The following TRANK1 variants were observed in gnomAD, a reference collection of about 807,000 sequenced individuals.
TRANK1 encodes the protein tetratricopeptide repeat and ankyrin repeat containing 1.
In TRANK1, 198 loss-of-function variants were observed where a neutral mutation model predicts 266.0. The ratio of observed to expected loss-of-function variants is 0.74; its 90% confidence interval spans 0.66 to 0.84. The LOEUF is 0.84. Among genes scored for constraint, TRANK1 ranks in the 40% least tolerant of loss-of-function variants. The pLI is 0.00. For missense variants in TRANK1, 3,326 were observed against 3,634.6 expected, an observed-to-expected ratio of 0.92 and a Z score of 2.18; for synonymous variants, 1,396 against 1,384.1, an observed-to-expected ratio of 1.01 and a Z score of -0.19.
In TRANK1 at chr3:36,908,552, CT is replaced by C. The variant is rs1459525234; in HGVS notation, c.24-99del. The C allele has an allele frequency of 2.4e-6, 3 of 1,231,282 alleles. No individual in the cohort carries two copies. In the Admixed American group the frequency reaches 1.3e-4, roughly 52 times the overall value. 76.3% of individuals were successfully genotyped at this position (1,231,282 alleles called of 1,614,324 possible). On this transcript the variant is annotated intron_variant, in intron 1 of 23. Coordinates refer to ENST00000645898, the MANE Select transcript of TRANK1 (RefSeq NM_001329998.2). ...GAAATCTGGAGAAGGAGTTCGCTCACTATGGCCCCACCCACCTTCAAAGGGC... is the reference window on the plus strand; with the variant it reads ...GAAATCTGGAGAAGGAGTTCGCTCACATGGCCCCACCCACCTTCAAAGGGC...
In TRANK1 at chr3:36,834,916, G is replaced by A; in HGVS notation, c.5518-9C>T. On this transcript the variant is annotated splice_polypyrimidine_tract_variant and intron_variant, in intron 20 of 23. Transcript: ENST00000645898. ...TAGGCAGCATCTCTTATCTAGGATG[G>A]AGTAAATTTTACTTTTATTTAGAGT... is the stretch of plus-strand genomic sequence containing the variant. 2 of 1,592,186 alleles carry A rather than the reference G, an allele frequency of 1.3e-6. No homozygotes were observed. The highest frequency in any genetic ancestry group is 1.7e-6 in the Non-Finnish European group (2 of 1,172,024).
rs374403472 is a variant in TRANK1 at position 36,929,653 on chromosome 3, G to A, written c.23+15134C>T. On this transcript the variant is annotated intron_variant, in intron 1 of 23. Coordinates refer to ENST00000645898, the MANE Select transcript of TRANK1 (RefSeq NM_001329998.2). ...CACCCCATGTGGCAGGCCAAGTAAT[G>A]AATTCCCCCAAAGACATCCAGATCC... is the stretch of plus-strand genomic sequence containing the variant. Among the ~76,000 whole-genome samples, 6 of 152,282 alleles carry A rather than the reference G, an allele frequency of 3.9e-5. No individual in the cohort carries two copies. In the East Asian group the frequency reaches 7.7e-4, roughly 20 times the overall value.
At chr3:36,842,288 G>A (rs2078854816) in intron 18 of TRANK1, among the ~76,000 whole-genome samples, 1 of 152,252 alleles carries the variant, frequency 6.6e-6, no homozygotes, top group Non-Finnish European at 1.5e-5. Flanking sequence ...TTAAAATGCA[G>A]TATGATGATA....
At position 36,833,355 on chromosome 3, in the gene TRANK1, C is replaced by G. The variant is rs1285437075; in HGVS notation, c.6228G>C (p.Glu2076Asp). The G allele has an allele frequency of 6.2e-7, 1 of 1,613,910 alleles. No individual in the cohort carries two copies. The highest frequency in any genetic ancestry group is 8.5e-7 in the Non-Finnish European group (1 of 1,179,816). Reference protein sequence around the residue: ...LYEAASQCEAEPEKILGLAPG... With the variant: ...LYEAASQCEADPEKILGLAPG... ...GAGCCAGGCCCAGAATCTTCTCAGG[C>G]TCGGCCTCACACTGGCTGGCTGCTT... Residue 2076 changes from glutamate to aspartate, a missense_variant, in exon 22 of 24, where the codon GAG becomes GAC. Physicochemically the swap from Glu to Asp is conservative, Grantham distance 45. Transcript: ENST00000645898.
chr3:36,867,897 C>T (rs148725856), intron 9 of TRANK1, among the ~76,000 whole-genome samples: 2 of 152,358 alleles, frequency 1.3e-5, no homozygotes, highest in Non-Finnish European at 2.9e-5. Context: ...GTGGAGTTTG[C>T]ACGTTCTTCC....
At position 36,905,263 on chromosome 3, in the gene TRANK1, C is replaced by A. The variant is rs1200314231; in HGVS notation, c.156-1988G>T. Among the ~76,000 whole-genome samples the A allele has an allele frequency of 2.7e-5, 4 of 150,466 alleles. No individual in the cohort carries two copies. In the South Asian group the frequency reaches 8.4e-4, roughly 32 times the overall value. On this transcript the variant is annotated intron_variant, in intron 2 of 23. Coordinates refer to ENST00000645898, the MANE Select transcript of TRANK1 (RefSeq NM_001329998.2). ...CCGAGATCGTGCCGTTGCACTCTAG[C>A]CTGGGAGACAGAGCAAGACTCTGTC...
chr3:36,945,644 T>C (rs1400661739), upstream of TRANK1, among the ~76,000 whole-genome samples: 1 of 151,790 alleles, frequency 6.6e-6, no homozygotes, highest in Admixed American at 6.6e-5. Context: ...ATCGACAGAG[T>C]AGTGGGTCGG....
intron 1 of TRANK1, among the ~76,000 whole-genome samples, chr3:36,935,084 C>A (rs1370343814): frequency 6.6e-6 from 1 of 152,162 alleles, no homozygotes; most frequent in Non-Finnish European, 1.5e-5. Flanking sequence ...ATCACCCAGG[C>A]CCCCAACCCC....
Position 36,903,005 on chromosome 3 carries a change from A to C in TRANK1, c.282+144T>G, listed in dbSNP as rs953934099. 6.4e-6 allele frequency: 7 copies of C among 1,088,388 alleles called. No homozygotes were observed. The Admixed American group carries it at 1.5e-4, about 23-fold the overall frequency. The allele number at this position is 1,088,388 out of a possible 1,614,324, so 67.4% of individuals were successfully genotyped here. On this transcript the variant is annotated intron_variant, in intron 3 of 23. Coordinates refer to ENST00000645898, the MANE Select transcript of TRANK1 (RefSeq NM_001329998.2). Reference sequence around the variant, plus strand: ...CATTTCCACTTTTAAAAGGAATGGAAAGAGGCAGGCTAAAAGGAAGGAGGC... The same window carrying C: ...CATTTCCACTTTTAAAAGGAATGGACAGAGGCAGGCTAAAAGGAAGGAGGC...
At chr3:36,925,592 CT>C (rs766901220) in intron 1 of TRANK1, among the ~76,000 whole-genome samples, 45,519 of 138,096 alleles carry the variant, frequency 0.33, 6,578 homozygotes, top group Non-Finnish European at 0.41. Flanking sequence ...TTGAATCTTT[CT>C]TTTTTTTTTT....
chr3:36,877,494 A>T (rs2079406772), intron 8 of TRANK1, among the ~76,000 whole-genome samples: 1 of 152,218 alleles, frequency 6.6e-6, no homozygotes, highest in African/African-American at 2.4e-5. Flanking sequence ...TGATTCACAA[A>T]CATGTATGTA....
intron 1 of TRANK1, among the ~76,000 whole-genome samples, chr3:36,941,473 CT>C (rs1485810598): frequency 2.0e-5 from 3 of 152,178 alleles, no homozygotes; most frequent in African/African-American, 4.8e-5. Flanking sequence ...TCCAGGGTAT[CT>C]TAGGCAAAGG....
chr3:36,944,053 G>C (rs528349213), intron 1 of TRANK1, among the ~76,000 whole-genome samples: 14 of 152,240 alleles, frequency 9.2e-5, no homozygotes, highest in African/African-American at 3.4e-4. Flanking sequence ...GGCTCCCCGC[G>C]GGACGGAGAC....
rs576147222 is a variant in TRANK1 at position 36,904,278 on chromosome 3, C to T, written c.156-1003G>A. Reference sequence around the variant, plus strand: ...AGGCGCAGTGGCTCATGCCTGTAATCGCAGCACTTCGGGAGGCCGAGGCCG... The same window carrying T: ...AGGCGCAGTGGCTCATGCCTGTAATTGCAGCACTTCGGGAGGCCGAGGCCG... On this transcript the variant is annotated intron_variant, in intron 2 of 23. Transcript: ENST00000645898. 1.1e-4 allele frequency among the ~76,000 whole-genome samples: 17 copies of T among 151,930 alleles called. 1 individual carries two copies. The South Asian group carries it at 3.5e-3, about 32-fold the overall frequency.
At chr3:36,904,578 C>CA (rs1017841856) in intron 2 of TRANK1, among the ~76,000 whole-genome samples, 1 of 151,772 alleles carries the variant, frequency 6.6e-6, no homozygotes, top group Non-Finnish European at 1.5e-5. Context: ...TAGAATAATA[C>CA]AAAAATCACT....
intron 17 of TRANK1, among the ~76,000 whole-genome samples, chr3:36,845,908 G>A (rs746820927): frequency 2.0e-5 from 3 of 152,162 alleles, no homozygotes; most frequent in Non-Finnish European, 4.4e-5. Context: ...GTCAAAGTAT[G>A]TACCATCTTT....
Position 36,850,373 on chromosome 3 carries a change from G to A in TRANK1, c.4887+1346C>T. The A allele has an allele frequency of 8.1e-6, 8 of 985,436 alleles. 1 individual carries two copies. The South Asian group carries it at 3.8e-4, about 46-fold the overall frequency. The allele number at this position is 985,436 out of a possible 1,614,324, so 61.0% of individuals were successfully genotyped here. On this transcript the variant is annotated intron_variant, in intron 15 of 23. Transcript: ENST00000645898. ...CAATTCGCATGCGAGGCTTTAAAAG[G>A]AAGGAAAATGGAAAGAGATTTAGAA...
chr3:36,857,928 G>A lies in TRANK1; in HGVS notation c.1794C>T (p.Leu598=). 2 of 1,606,034 alleles carry A rather than the reference G, an allele frequency of 1.2e-6. No individual in the cohort carries two copies. The highest frequency in any genetic ancestry group is 1.7e-6 in the Non-Finnish European group (2 of 1,179,858). ...CGCGCTTTAGCATGCCCTTCTGGAA[G>A]AGGATGTGCATCAGCGTGTTCCCAT... ...DSNGNTLMHI[L]FQKGMLKRVK... The change falls in exon 13 of 24, where the codon CTC becomes CTT. Residue 598 remains leucine (L), a synonymous_variant. Coordinates refer to ENST00000645898, the MANE Select transcript of TRANK1 (RefSeq NM_001329998.2). The surrounding 1 kb of genome is among the most constrained non-coding windows in gnomAD (Gnocchi z 4.3).
intron 1 of TRANK1, chr3:36,929,524 C>T (rs1294295203): frequency 2.0e-5 from 3 of 152,144 alleles, no homozygotes; most frequent in Admixed American, 6.6e-5. Context: ...AAAGCAGAAA[C>T]ACATGCCATA....
Sources: allele counts gnomAD v4.1 joint callset (sites outside exome capture counted in the v4.1 genomes callset), GRCh38; gene constraint gnomAD v4.1.1; non-coding constraint Gnocchi (gnomAD v3.1); transcripts MANE v1.5; gene names NCBI Gene and HGNC (gene_info 2026-07-23, HGNC 2026-07-21).